Variants in TENM3 observed in about 807,000 individuals in gnomAD.
The protein encoded by TENM3 is teneurin transmembrane protein 3, also known as teneurin-3.
A neutral mutation model predicts 255.1 loss-of-function variants in TENM3; 63 were observed. The ratio of observed to expected loss-of-function variants is 0.25; its 90% CI spans 0.20 to 0.30. The LOEUF is 0.30. TENM3 is among the 10% of genes least tolerant of loss of function. The probability of loss-of-function intolerance (pLI) is 1.00; values close to 1 mark genes in which losing one functional copy is unlikely to be tolerated. For synonymous variants in TENM3, 1,306 were observed against 1,322.3 expected (o/e 0.99, Z 0.27); for missense variants, 2,929 against 3,461.1 (o/e 0.85, Z 3.86).
At chr4:181,787,340 C>CTTT in the TENM3 span, among the ~76,000 whole-genome samples, 4 of 141,426 alleles carry the variant, frequency 2.8e-5, no homozygotes, top group East Asian at 2.1e-4. Context: ...CTACATCCAT[C>CTTT]TTTTTTTTTT....
At chr4:181,495,618 G>A in the TENM3 span, among the ~76,000 whole-genome samples, 2 of 152,142 alleles carry the variant, frequency 1.3e-5, no homozygotes, top group Admixed American at 1.3e-4. Context: ...ATCAGCAATG[G>A]TGTATGACGA....
At chr4:182,748,685 C>T (rs747370016) in intron 19 of TENM3, among the ~76,000 whole-genome samples, 1 of 152,118 alleles carries the variant, frequency 6.6e-6, no homozygotes, top group Admixed American at 6.5e-5. Context: ...AGACCAGCAT[C>T]TAACAACCAG....
intron 6 of TENM3, among the ~76,000 whole-genome samples, chr4:182,669,512 C>T (rs921074116): frequency 6.6e-5 from 10 of 152,116 alleles, no homozygotes; most frequent in South Asian, 6.2e-4. Context: ...CCTCGTGATC[C>T]GCCCTCCTCA....
the TENM3 span, among the ~76,000 whole-genome samples, chr4:181,568,997 C>A: frequency 2.6e-5 from 4 of 152,182 alleles, no homozygotes; most frequent in African/African-American, 7.2e-5. Flanking sequence ...CACTTAAAAA[C>A]TTAATATTTA....
In TENM3 at chr4:182,567,034, T is replaced by C. The variant is rs1030775178; in HGVS notation, c.512-33890T>C. On this transcript the variant is annotated intron_variant, in intron 3 of 27. Transcript: ENST00000511685. ...TGTTAACTACATACTGCAAAGGATA[T>C]GTGAAATGGGAAATGGAAAAAAAGA... Among the ~76,000 whole-genome samples the C allele has an allele frequency of 3.9e-5, 6 of 152,116 alleles. No individual in the cohort carries two copies. The South Asian group carries it at 8.3e-4, about 21-fold the overall frequency.
chr4:182,685,242 C>T (rs1397349363), intron 11 of TENM3, among the ~76,000 whole-genome samples: 3 of 151,990 alleles, frequency 2.0e-5, no homozygotes, highest in Non-Finnish European at 4.4e-5. Context: ...TCTTCCCTTC[C>T]TTCCTGTTTT....
chr4:182,366,128 A>G (rs1766416201), intron 3 of TENM3, among the ~76,000 whole-genome samples: 1 of 152,134 alleles, frequency 6.6e-6, no homozygotes, highest in Non-Finnish European at 1.5e-5. Flanking sequence ...TAGTTTTTAT[A>G]TATTATGAAT....
intron 1 of TENM3, among the ~76,000 whole-genome samples, chr4:182,301,570 T>C (rs1761858849): frequency 1.3e-5 from 2 of 152,200 alleles, no homozygotes; most frequent in South Asian, 4.1e-4. Flanking sequence ...GAAAAAGAAA[T>C]GCACATTTAA....
the TENM3 span, among the ~76,000 whole-genome samples, chr4:182,080,319 G>T: frequency 3.4e-4 from 51 of 152,136 alleles, no homozygotes; most frequent in Non-Finnish European, 5.6e-4. Context: ...AGATGTTATA[G>T]AAATATGTTT....
chr4:181,512,019 C>T, the TENM3 span, among the ~76,000 whole-genome samples: 4 of 152,074 alleles, frequency 2.6e-5, no homozygotes, highest in Non-Finnish European at 2.9e-5. Flanking sequence ...GGATGAAGTT[C>T]GGAGTCCTCA....
chr4:181,904,736 T>C, the TENM3 span, among the ~76,000 whole-genome samples: 1 of 152,170 alleles, frequency 6.6e-6, no homozygotes, highest in Admixed American at 6.5e-5. Flanking sequence ...GAGAACCGTC[T>C]CTTTGTTCCA....
chr4:181,911,373 T>C, the TENM3 span, among the ~76,000 whole-genome samples: 1 of 152,220 alleles, frequency 6.6e-6, no homozygotes, highest in East Asian at 1.9e-4. Flanking sequence ...GTGTTGTTTT[T>C]TTCCCCCACA....
chr4:182,745,659 A>G (rs1421762291), intron 19 of TENM3, among the ~76,000 whole-genome samples: 1 of 152,084 alleles, frequency 6.6e-6, no homozygotes, highest in African/African-American at 2.4e-5. Context: ...AGACAGTTAA[A>G]CCACTCTAAA....
chr4:181,912,994 G>T, the TENM3 span, among the ~76,000 whole-genome samples: 1 of 152,062 alleles, frequency 6.6e-6, no homozygotes, highest in Non-Finnish European at 1.5e-5. Flanking sequence ...ATAAGTGAAG[G>T]CTCTAAAGCA....
At chr4:181,903,547 A>C in the TENM3 span, among the ~76,000 whole-genome samples, 1 of 152,164 alleles carries the variant, frequency 6.6e-6, no homozygotes, top group Non-Finnish European at 1.5e-5. Context: ...AACGGAACAC[A>C]TCATCCCTAA....
chr4:182,100,826 T>G, the TENM3 span, among the ~76,000 whole-genome samples: 1 of 7,424 alleles, frequency 1.3e-4, no homozygotes, highest in Admixed American at 2.8e-3. Context: ...TATACACATA[T>G]ATATATATAT....
At chr4:181,692,997 C>T in the TENM3 span, among the ~76,000 whole-genome samples, 1 of 152,024 alleles carries the variant, frequency 6.6e-6, no homozygotes, top group South Asian at 2.1e-4. Flanking sequence ...TTTGGGATCC[C>T]CTTGGAGCCC....
the TENM3 span, among the ~76,000 whole-genome samples, chr4:181,823,833 G>A: frequency 4.6e-5 from 7 of 152,036 alleles, no homozygotes; most frequent in South Asian, 2.1e-4. Flanking sequence ...AGCTTGACTC[G>A]ATGACAGCTT....
At chr4:182,796,283 T>G (rs1473106276) in intron 26 of TENM3, among the ~76,000 whole-genome samples, 2 of 152,210 alleles carry the variant, frequency 1.3e-5, no homozygotes, top group Non-Finnish European at 2.9e-5. Flanking sequence ...AACTACAAAA[T>G]AAATTTCGTT....
Sources: allele counts gnomAD v4.1 joint callset (sites outside exome capture counted in the v4.1 genomes callset), GRCh38; gene constraint gnomAD v4.1.1; transcripts MANE v1.5; gene names NCBI Gene and HGNC (gene_info 2026-07-23, HGNC 2026-07-21).